The following PCDH15 variants were observed in gnomAD, a reference collection of about 807,000 sequenced individuals.
PCDH15 encodes protocadherin related 15.
Under a neutral mutation model 178.5 loss-of-function variants are expected in PCDH15, and 129 were observed. The observed-to-expected ratio is 0.72, with a 90% CI of 0.63 to 0.84. PCDH15 has a LOEUF of 0.84. Among genes scored for constraint, PCDH15 ranks in the 40% least tolerant of loss-of-function variants. The pLI is 0.00. For synonymous variants in PCDH15, 800 were observed against 732.0 expected (o/e 1.09, Z -1.50); for missense variants, 2,230 against 2,099.9 (o/e 1.06, Z -1.21).
chr10:53,984,148 C>CTTTTTTTTTTTTTTTTTTTTTTT (rs66540462), intron 21 of PCDH15, among the ~76,000 whole-genome samples: 3 of 63,560 alleles, frequency 4.7e-5, no homozygotes, highest in African/African-American at 1.6e-4. Flanking sequence ...TTTTTCTTTT[C>CTTTTTTTTTTTTTTTTTTTTTTT]TTTTTTTTTT....
At chr10:55,224,158 C>A (rs1197584019) in intron 1 of PCDH15, among the ~76,000 whole-genome samples, 1 of 152,024 alleles carries the variant, frequency 6.6e-6, no homozygotes, top group Admixed American at 6.6e-5. Flanking sequence ...CCAGATTGCA[C>A]CACTGCACTC....
intron 3 of PCDH15, among the ~76,000 whole-genome samples, chr10:54,442,199 G>A (rs12359650): frequency 0.48 from 71,740 of 149,438 alleles, 18,198 homozygotes; most frequent in Non-Finnish European, 0.57. Flanking sequence ...TATGTGGTGG[G>A]GTATAAAAGG....
At chr10:54,114,002 C>T (rs573133813) in intron 15 of PCDH15, among the ~76,000 whole-genome samples, 23 of 152,188 alleles carry the variant, frequency 1.5e-4, no homozygotes, top group African/African-American at 4.8e-4. Context: ...TATTCACTAT[C>T]ATGAGAATGG....
chr10:54,112,862 G>A (rs908361620), intron 15 of PCDH15, among the ~76,000 whole-genome samples: 4 of 152,174 alleles, frequency 2.6e-5, no homozygotes, highest in Non-Finnish European at 5.9e-5. Flanking sequence ...AGTTCAAGAA[G>A]TCTCATGGAT....
At chr10:54,233,191 G>A (rs1184946111) in intron 9 of PCDH15, among the ~76,000 whole-genome samples, 1 of 151,952 alleles carries the variant, frequency 6.6e-6, no homozygotes, top group African/African-American at 2.4e-5. Context: ...CAATCCAACT[G>A]TCTCGGCCTC....
intron 9 of PCDH15, among the ~76,000 whole-genome samples, chr10:54,224,955 A>G (rs1022442576): frequency 3.3e-5 from 5 of 152,140 alleles, no homozygotes; most frequent in African/African-American, 4.8e-5. Context: ...CTTATCGAAA[A>G]TGTTTTTAAT....
At chr10:55,423,045 G>A (rs1257792111) in intron 2 of PCDH15, among the ~76,000 whole-genome samples, 1 of 151,828 alleles carries the variant, frequency 6.6e-6, no homozygotes, top group African/African-American at 2.4e-5. Context: ...AAGTTATCAT[G>A]TATCTTATTT....
intron 3 of PCDH15, among the ~76,000 whole-genome samples, chr10:54,421,757 TACAC>T (rs1336048657): frequency 1.4e-5 from 2 of 139,584 alleles, no homozygotes; most frequent in Non-Finnish European, 3.1e-5. Context: ...ACACACTATA[TACAC>T]ACTATATAGG....
At chr10:55,078,194 T>TGG (rs1472487247) in intron 2 of PCDH15, among the ~76,000 whole-genome samples, 1 of 152,184 alleles carries the variant, frequency 6.6e-6, no homozygotes, top group African/African-American at 2.4e-5. Flanking sequence ...ATTAGTCTTA[T>TGG]GGGAGTGTTT....
intron 20 of PCDH15, among the ~76,000 whole-genome samples, chr10:53,999,052 C>CAAAA (rs33951115): frequency 2.2e-5 from 2 of 92,492 alleles, no homozygotes; most frequent in Admixed American, 1.1e-4. Context: ...TACTCAGTCT[C>CAAAA]AAAAAAAAAA....
rs556873571 is a variant in PCDH15, at chr10:55,432,212, A to AT, written c.-156+195412dup. Among the ~76,000 whole-genome samples the AT allele has an allele frequency of 4.8e-3, 738 of 152,298 alleles. 7 individuals carry two copies. The highest frequency in any genetic ancestry group is 0.034 in the Middle Eastern group (10 of 294). On this transcript the variant is annotated intron_variant, in intron 2 of 5. Transcript: ENST00000613346. ...AAAGTAAAGGACAAGGCATATGGAT[A>AT]TTTTGCAAAACAGAATTACAGATAA...
At chr10:54,506,770 T>G (rs2081203045) in intron 3 of PCDH15, among the ~76,000 whole-genome samples, 1 of 151,982 alleles carries the variant, frequency 6.6e-6, no homozygotes, top group African/African-American at 2.4e-5. Context: ...TTCCGCAGCT[T>G]TACTTTCAAA....
Position 54,971,111 on chromosome 10 carries a change from T to C in PCDH15, c.-79-73611A>G, listed in dbSNP as rs145315170. 3.8e-3 allele frequency among the ~76,000 whole-genome samples: 585 copies of C among 152,238 alleles called. 3 individuals carry two copies. Among genetic ancestry groups the C allele is most frequent in the African/African-American group, 0.014 (568 of 41,548 alleles). On this transcript the variant is annotated intron_variant, in intron 2 of 5. Transcript: ENST00000458638. ...TGGAGTTAATGAGATGGAATGACTGTATTTTGTACATTAGAAGGATGTAAA... is the reference window on the plus strand; with the variant it reads ...TGGAGTTAATGAGATGGAATGACTGCATTTTGTACATTAGAAGGATGTAAA...
At chr10:54,040,894 A>C (rs1279830281) in intron 18 of PCDH15, among the ~76,000 whole-genome samples, 2 of 152,086 alleles carry the variant, frequency 1.3e-5, no homozygotes, top group Admixed American at 1.3e-4. Context: ...ATTTGGATGC[A>C]ATTATTTACT....
intron 18 of PCDH15, among the ~76,000 whole-genome samples, chr10:54,063,214 C>T (rs1225554101): frequency 2.0e-5 from 3 of 152,148 alleles, no homozygotes; most frequent in East Asian, 1.9e-4. Context: ...GTGGCTCCCC[C>T]GTCACCTTCT....
chr10:55,031,155 G>A (rs968135771), intron 2 of PCDH15, among the ~76,000 whole-genome samples: 4 of 152,124 alleles, frequency 2.6e-5, no homozygotes, highest in African/African-American at 7.2e-5. Context: ...ACCTGAATTT[G>A]AAATCCATCT....
At chr10:54,490,917 C>A (rs910729006) in intron 3 of PCDH15, among the ~76,000 whole-genome samples, 1 of 152,108 alleles carries the variant, frequency 6.6e-6, no homozygotes, top group Non-Finnish European at 1.5e-5. Context: ...CAAAACCCAA[C>A]AATTACATGT....
At position 53,815,023 on chromosome 10, in the gene PCDH15, C is replaced by T. The variant is rs182103978; in HGVS notation, c.4491+1216G>A. 5.9e-5 allele frequency among the ~76,000 whole-genome samples: 9 copies of T among 151,346 alleles called. No homozygotes were observed. The East Asian group carries it at 1.6e-3, about 26-fold the overall frequency. ...TGACCAGTCAGATCCATGAGTCAACCTCAACCAACAAGGGAATGCTGGCCC... is the reference window on the plus strand; with the variant it reads ...TGACCAGTCAGATCCATGAGTCAACTTCAACCAACAAGGGAATGCTGGCCC... On this transcript the variant is annotated intron_variant, in intron 35 of 37. Transcript: ENST00000644397.
intron 2 of PCDH15, among the ~76,000 whole-genome samples, chr10:54,578,999 C>A (rs192570144): frequency 6.6e-6 from 1 of 152,128 alleles, no homozygotes; most frequent in Non-Finnish European, 1.5e-5. Flanking sequence ...TCAGCGGAGT[C>A]CTAAACATGG....
Sources: gnomAD v4.1 joint callset for allele counts (sites outside exome capture counted in the v4.1 genomes callset) on GRCh38, gnomAD v4.1.1 for gene constraint, MANE v1.5 for transcripts, NCBI Gene and HGNC (gene_info 2026-07-23, HGNC 2026-07-21) for gene names.